NHSL2: variants seen among roughly 807,000 people sequenced by gnomAD.
NHSL2 encodes the protein NHS-like protein 2.
In NHSL2, 27 loss-of-function variants were observed where a neutral mutation model predicts 53.4. The observed-to-expected ratio is 0.51, with a 90% CI of 0.37 to 0.70. The LOEUF is 0.70. Ranked by LOEUF, NHSL2 falls within the 30% of genes least tolerant of loss-of-function variation. NHSL2 has a pLI of 0.00. For synonymous variants in NHSL2, 408 were observed against 404.1 expected (o/e 1.01, Z -0.12); for missense variants, 892 against 980.1 (o/e 0.91, Z 1.20).
chrX:71,945,367 C>T (rs1327673740), intron 1 of NHSL2, among the ~76,000 whole-genome samples: 1 of 111,999 alleles, frequency 8.9e-6, no homozygotes, highest in Non-Finnish European at 1.9e-5. Flanking sequence ...TCGCAGCTGA[C>T]GAAGCATTCT....
At chrX:71,929,748 CT>C (rs1277148656) in intron 1 of NHSL2, among the ~76,000 whole-genome samples, 14 of 107,131 alleles carry the variant, frequency 1.3e-4, no homozygotes, top group South Asian at 4.1e-4. Flanking sequence ...GTTTCTTTCT[CT>C]TTTTTTTTTC....
At chrX:71,957,389 C>G (rs1223428828) in intron 1 of NHSL2, among the ~76,000 whole-genome samples, 4 of 112,461 alleles carry the variant, frequency 3.6e-5, no homozygotes, top group Non-Finnish European at 7.5e-5. Context: ...GCCTCAGCCT[C>G]CTGAGTAGCT....
At chrX:72,021,196 T>A (rs2042158813) in intron 1 of NHSL2, among the ~76,000 whole-genome samples, 1 of 112,706 alleles carries the variant, frequency 8.9e-6, no homozygotes, top group Non-Finnish European at 1.9e-5. Context: ...TCCAATCACT[T>A]ATTCATTTCA....
chrX:71,912,428 G>C (rs5991856), intron 1 of NHSL2, among the ~76,000 whole-genome samples: 2 of 112,377 alleles, frequency 1.8e-5, no homozygotes, highest in Admixed American at 1.9e-4. Context: ...TTTCCAATGG[G>C]GGCAGAAGAT....
intron 1 of NHSL2, among the ~76,000 whole-genome samples, chrX:72,033,002 T>G (rs1171635957): frequency 1.8e-5 from 2 of 112,187 alleles, no homozygotes; most frequent in African/African-American, 3.2e-5. Flanking sequence ...TATAGTAGGC[T>G]TTAGCACTGA....
At chrX:72,035,556 G>A (rs1257530416) in intron 1 of NHSL2, among the ~76,000 whole-genome samples, 2 of 110,485 alleles carry the variant, frequency 1.8e-5, no homozygotes, top group African/African-American at 3.3e-5. Context: ...ACGGAGTTTC[G>A]CTCTTGTTGC....
chrX:71,998,561 G>T (rs1343078643), intron 1 of NHSL2, among the ~76,000 whole-genome samples: 2 of 111,624 alleles, frequency 1.8e-5, no homozygotes, highest in East Asian at 5.7e-4. Context: ...TAGTTCTGGG[G>T]ATCTTTACGT....
At position 72,147,352 on chromosome X, in the gene NHSL2, C is replaced by CT. The variant is rs1389594357; in HGVS notation, c.*3780dup. 1.8e-5 allele frequency: 2 copies of CT among 112,166 alleles called. No homozygotes were observed. The highest frequency in any genetic ancestry group is 3.8e-5 in the Non-Finnish European group (2 of 53,233). The allele number at this position is 112,166 out of a possible 1,213,427, so 9.2% of individuals were successfully genotyped here. On this transcript the variant is annotated 3_prime_UTR_variant, in exon 8 of 8. Transcript: ENST00000633930. ...CCCGCTCTCAGGGCCATGCAAGTGC[C>CT]TTACCCTCGTCCCAGCCCTGTGATT... is the stretch of plus-strand genomic sequence containing the variant.
At chrX:71,981,287 G>T (rs980717576) in intron 1 of NHSL2, among the ~76,000 whole-genome samples, 1 of 112,454 alleles carries the variant, frequency 8.9e-6, no homozygotes, top group African/African-American at 3.2e-5. Flanking sequence ...AGTGGCTCAC[G>T]CCAGTAATCC....
intron 1 of NHSL2, among the ~76,000 whole-genome samples, chrX:71,962,428 C>T (rs1006491874): frequency 9.0e-6 from 1 of 111,167 alleles, no homozygotes; most frequent in Non-Finnish European, 1.9e-5. Context: ...ACCAGTGTAG[C>T]CATCTGATCT....
chrX:72,122,727 T>C (rs1011618613), intron 1 of NHSL2, among the ~76,000 whole-genome samples: 5 of 111,324 alleles, frequency 4.5e-5, no homozygotes, highest in African/African-American at 1.6e-4. Context: ...GGGTGCTCGC[T>C]GGGAAGGAGC....
intron 1 of NHSL2, among the ~76,000 whole-genome samples, chrX:72,082,385 A>G: frequency 8.9e-6 from 1 of 111,880 alleles, no homozygotes; most frequent in Non-Finnish European, 1.9e-5. Flanking sequence ...TAGTATTGCA[A>G]AAGTAAATTC....
At chrX:71,995,258 C>A (rs2042044841) in intron 1 of NHSL2, among the ~76,000 whole-genome samples, 1 of 112,435 alleles carries the variant, frequency 8.9e-6, no homozygotes, top group Non-Finnish European at 1.9e-5. Context: ...CCTGACAGGT[C>A]TCCCTGCCTA....
intron 1 of NHSL2, chrX:72,130,415 T>C (rs751074420): frequency 1.0e-5 from 12 of 1,192,969 alleles, no homozygotes; most frequent in African/African-American, 3.6e-5. Context: ...TCCTCCTCCT[T>C]CTCCTTCATC....
intron 1 of NHSL2, among the ~76,000 whole-genome samples, chrX:72,007,234 T>C (rs1413305010): frequency 1.8e-5 from 2 of 112,525 alleles, no homozygotes; most frequent in African/African-American, 3.2e-5. Flanking sequence ...GTGGTTCACA[T>C]ACATAAAGGA....
In NHSL2 at chrX:72,092,311, T is replaced by A. The variant is rs1244053474; in HGVS notation, c.281-39768T>A. On this transcript the variant is annotated intron_variant, in intron 1 of 7. Coordinates refer to ENST00000633930, the MANE Select transcript of NHSL2 (RefSeq NM_001013627.3). ...ATTCTCCATGGCTCTGCTACTGCTG[T>A]CTCCCTGGGCTTCTCCTGGGTTCTG... 4.5e-5 allele frequency among the ~76,000 whole-genome samples: 5 copies of A among 111,891 alleles called. No homozygotes were observed. In the East Asian group the frequency reaches 1.4e-3, roughly 31 times the overall value.
At chrX:72,086,983 A>G (rs2041853435) in intron 1 of NHSL2, among the ~76,000 whole-genome samples, 1 of 112,049 alleles carries the variant, frequency 8.9e-6, no homozygotes, top group African/African-American at 3.2e-5. Flanking sequence ...ATGAATGTTC[A>G]TAGCACTGGG....
chrX:72,001,277 C>A (rs1167702490), intron 1 of NHSL2, among the ~76,000 whole-genome samples: 2 of 111,943 alleles, frequency 1.8e-5, no homozygotes, highest in African/African-American at 6.5e-5. Flanking sequence ...TTATATGGTG[C>A]CAGAGCCCTC....
intron 1 of NHSL2, among the ~76,000 whole-genome samples, chrX:71,947,718 A>G (rs898851148): frequency 3.6e-5 from 4 of 112,360 alleles, no homozygotes; most frequent in African/African-American, 1.3e-4. Flanking sequence ...AGGATATGGA[A>G]CACACTGTCT....
Sources: gnomAD v4.1 joint callset for allele counts (sites outside exome capture counted in the v4.1 genomes callset) on GRCh38, gnomAD v4.1.1 for gene constraint, MANE v1.5 for transcripts, NCBI Gene and HGNC (gene_info 2026-07-23, HGNC 2026-07-21) for gene names.